COPB2: variants seen among roughly 807,000 people sequenced by gnomAD.
COPB2 encodes coatomer subunit beta'.
A neutral mutation model predicts 120.8 loss-of-function variants in COPB2; 16 were observed. The observed-to-expected ratio is 0.13, with a 90% CI of 0.09 to 0.20. The LOEUF (loss-of-function observed/expected upper bound fraction) is 0.20, where lower values mean the gene tolerates loss of function less well. COPB2 is among the 10% of genes least tolerant of loss of function. The probability of loss-of-function intolerance (pLI) is 1.00; values close to 1 mark genes in which losing one functional copy is unlikely to be tolerated. For missense variants in COPB2, 794 were observed against 1,076.5 expected (o/e 0.74, Z 3.67); for synonymous variants, 332 against 366.3 (o/e 0.91, Z 1.07).
Position 139,374,095 on chromosome 3 carries a change from A to G in COPB2, c.752-287T>C, listed in dbSNP as rs1941674452. ...ATGTGCCAGATGCTTTCTACCCACA[A>G]TTTCTTCTCACTATAATTTTATGAA... On this transcript the variant is annotated intron_variant, in intron 7 of 21. Coordinates refer to ENST00000333188, the MANE Select transcript of COPB2 (RefSeq NM_004766.3). 8.9e-6 allele frequency: 4 copies of G among 447,832 alleles called. No individual in the cohort carries two copies. The South Asian group carries it at 9.3e-5, about 10-fold the overall frequency. The allele number at this position is 447,832 out of a possible 1,614,324, so 27.7% of individuals were successfully genotyped here.
chr3:139,371,435 G>A (rs1010163305), intron 10 of COPB2, among the ~76,000 whole-genome samples: 3 of 152,148 alleles, frequency 2.0e-5, no homozygotes, highest in Non-Finnish European at 2.9e-5. Context: ...AGCCCATAAA[G>A]CACCAGGTCC....
Position 139,386,606 on chromosome 3 carries a change from C to T in COPB2, c.3+2942G>A, listed in dbSNP as rs147117692. Among the ~76,000 whole-genome samples, 37 of 152,174 alleles carry T rather than the reference C, an allele frequency of 2.4e-4. No homozygotes were observed. The East Asian group carries it at 6.8e-3, about 28-fold the overall frequency. On this transcript the variant is annotated intron_variant, in intron 1 of 21. Coordinates refer to ENST00000333188, the MANE Select transcript of COPB2 (RefSeq NM_004766.3). ...TTTACTTCATTTCTGAATTCTGCCCCATAAATTACTATTACAAATTTTAAC... is the reference window on the plus strand; with the variant it reads ...TTTACTTCATTTCTGAATTCTGCCCTATAAATTACTATTACAAATTTTAAC...
intron 15 of COPB2, among the ~76,000 whole-genome samples, chr3:139,364,769 C>T (rs946064452): frequency 3.9e-5 from 6 of 152,162 alleles, no homozygotes; most frequent in African/African-American, 1.4e-4. Context: ...GAAATCCAAA[C>T]CCAATATGCC....
Position 139,371,126 on chromosome 3 carries a change from AAAAGG to A in COPB2, c.1205+592_1205+596del, listed in dbSNP as rs746908882. On this transcript the variant is annotated intron_variant, in intron 10 of 21. Transcript: ENST00000333188. The stretch of plus-strand genomic sequence containing the variant: ...TATTACGTGCATTAAACAGGAATCA[AAAAGG>A]AACCAGAGCCAATGACTAGTAAAAA... 2.0e-5 allele frequency among the ~76,000 whole-genome samples: 3 copies of A among 152,328 alleles called. No individual in the cohort carries two copies. In the South Asian group the frequency reaches 6.2e-4, roughly 32 times the overall value.
At chr3:139,389,439 GC>G (rs1190250411) in intron 1 of COPB2, 108 bp downstream of exon 1, 4 of 1,367,048 alleles carry the variant, frequency 2.9e-6, no homozygotes, top group Non-Finnish European at 3.8e-6. Context: ...TGAGGCGGCG[GC>G]CGCAGCGGGA....
chr3:139,377,797 A>C (rs1459088689), intron 5 of COPB2, among the ~76,000 whole-genome samples: 3 of 152,266 alleles, frequency 2.0e-5, no homozygotes, highest in Non-Finnish European at 4.4e-5. Context: ...AGGCTAAAAA[A>C]TTTTTATAAC....
chr3:139,361,218 A>G lies in COPB2; in HGVS notation c.2073T>C (p.His691=). 1 of 1,614,240 alleles carries G rather than the reference A, an allele frequency of 6.2e-7. No homozygotes were observed. The highest frequency in any genetic ancestry group is 8.5e-7 in the Non-Finnish European group (1 of 1,180,048). The change falls in exon 17 of 22, where the codon CAT becomes CAC. Residue 691 remains histidine, a synonymous_variant. Transcript: ENST00000333188. ...GCAGGCCCCCATAATCCTGTGCATG[A>G]TGCAGGCACTCCTGGGCTAGGCCAA... ...CQFGLAQECL[H]HAQDYGGLLL...
At chr3:139,376,443 G>A (rs1386536547) in intron 5 of COPB2, among the ~76,000 whole-genome samples, 2 of 152,128 alleles carry the variant, frequency 1.3e-5, no homozygotes, top group Non-Finnish European at 2.9e-5. Context: ...TGTAACAAAT[G>A]TTTATCAATT....
Position 139,383,298 on chromosome 3 carries a change from C to T in COPB2, c.141G>A (p.Gln47=), listed in dbSNP as rs754242337. 5 of 1,613,860 alleles carry T rather than the reference C, an allele frequency of 3.1e-6. No homozygotes were observed. In the South Asian group the frequency reaches 5.5e-5, roughly 18 times the overall value. ...TAATACAGTCCTGAAAAATTCCTAC[C>T]TGTGTTTCATGATTCCAAACACACA... The part of the protein sequence containing the change: ...GSVCVWNHET[Q]TLVKTFEVCD... Residue 47 remains glutamine (Q), a splice_region_variant and synonymous_variant, in exon 2 of 22, where the codon CAG becomes CAA. Transcript: ENST00000333188.
chr3:139,373,406 G>A lies in COPB2; in HGVS notation c.901C>T (p.Arg301Trp), dbSNP rs140546379. ...DEGSIIVKLG[R>W]EEPAMSMDAN... Reference sequence around the variant, plus strand: ...TCCATGGACATGGCAGGTTCCTCCCGACCAAGCTGAAAGAAAGAAAAATAG... The same window carrying A: ...TCCATGGACATGGCAGGTTCCTCCCAACCAAGCTGAAAGAAAGAAAAATAG... The change falls in exon 9 of 22, where the codon CGG becomes TGG. Residue 301 changes from arginine to tryptophan, a missense_variant. Around this residue, in one of 3 missense-constraint regions of COPB2, gnomAD observed 610 missense variants for 866.7 expected, o/e 0.70. Coordinates refer to ENST00000333188, the MANE Select transcript of COPB2 (RefSeq NM_004766.3). 3.7e-6 allele frequency: 6 copies of A among 1,613,858 alleles called. No individual in the cohort carries two copies. The highest frequency in any genetic ancestry group is 1.1e-5 in the South Asian group (1 of 91,050).
chr3:139,368,848 G>A (rs1048724238), intron 12 of COPB2, among the ~76,000 whole-genome samples: 4 of 152,060 alleles, frequency 2.6e-5, no homozygotes, highest in East Asian at 1.9e-4. Context: ...TCAAAGCAGC[G>A]GGCAGTTCTA....
rs201059899 is a variant in COPB2 at position 139,374,295 on chromosome 3, TGAC to T, written c.751+191_751+193del. 1.6e-4 allele frequency: 82 copies of T among 507,872 alleles called. No individual in the cohort carries two copies. The African/African-American group carries it at 1.7e-3, about 11-fold the overall frequency. The allele number at this position is 507,872 out of a possible 1,614,324, so 31.5% of individuals were successfully genotyped here. A position where few individuals can be genotyped will look rare whatever the true frequency, so the allele number is the denominator to read the frequency against. On this transcript the variant is annotated intron_variant, in intron 7 of 21. Transcript: ENST00000333188. ...ACAGAATCAAAATACATGAGAATGATGACGATGATGATGATGATGATGATGATG... is the reference window on the plus strand; with the variant it reads ...ACAGAATCAAAATACATGAGAATGATGATGATGATGATGATGATGATGATG...
intron 21 of COPB2, 48 bp downstream of exon 21, chr3:139,358,152 G>C (rs1159306798): frequency 1.3e-6 from 2 of 1,495,518 alleles, no homozygotes; most frequent in African/African-American, 2.8e-5. Flanking sequence ...GATATTGATG[G>C]GGAGGAAGAT....
At chr3:139,368,934 C>T (rs1941572920) in intron 12 of COPB2, among the ~76,000 whole-genome samples, 1 of 152,152 alleles carries the variant, frequency 6.6e-6, no homozygotes, top group South Asian at 2.1e-4. Flanking sequence ...AAAAGGTTTT[C>T]TGAACTATGT....
chr3:139,358,007 G>A, intron 21 of COPB2, 49 bp from the exon 22 acceptor site: 1 of 1,183,252 alleles, frequency 8.5e-7, no homozygotes, highest in Non-Finnish European at 1.2e-6. Flanking sequence ...ACTGTTAAAG[G>A]AAAGTTATCC....
At chr3:139,389,419 C>T in intron 1 of COPB2, 129 bp downstream of exon 1, 2 of 1,330,250 alleles carry the variant, frequency 1.5e-6, no homozygotes, top group Non-Finnish European at 2.0e-6. Flanking sequence ...GACCAAGACC[C>T]CGCAAGGCCT....
At chr3:139,384,256 G>A (rs1007789231) in intron 1 of COPB2, among the ~76,000 whole-genome samples, 2 of 152,112 alleles carry the variant, frequency 1.3e-5, no homozygotes, top group African/African-American at 2.4e-5. Context: ...AGCATTGGTC[G>A]TTTGGAAAAT....
chr3:139,359,242 A>G (rs769869275), intron 18 of COPB2, 28 bp downstream of exon 18: 7 of 1,612,730 alleles, frequency 4.3e-6, no homozygotes, highest in Non-Finnish European at 5.1e-6. Flanking sequence ...TATTGGAAAC[A>G]TTTCTTCCTA....
At chr3:139,381,943 T>C (rs1029849205) in intron 2 of COPB2, 3 of 150,292 alleles carry the variant, frequency 2.0e-5, no homozygotes, top group Non-Finnish European at 4.4e-5. Context: ...CAAAAACAAT[T>C]CACAAGATAA....
Sources: gnomAD v4.1 joint callset for allele counts (sites outside exome capture counted in the v4.1 genomes callset) on GRCh38, gnomAD v4.1.1 for gene constraint, gnomAD v4.1.1 regional missense constraint, MANE v1.5 for transcripts, NCBI Gene and HGNC (gene_info 2026-07-23, HGNC 2026-07-21) for gene names.